Variants in FNDC1 observed in about 807,000 individuals in gnomAD.
FNDC1 encodes fibronectin type III domain-containing protein 1.
FNDC1 carries 96 observed loss-of-function variants against 168.0 expected under a neutral mutation model. The observed-to-expected ratio is 0.57, with a 90% CI of 0.48 to 0.68. The LOEUF is 0.68. FNDC1 is among the 30% of genes least tolerant of loss of function. FNDC1 has a pLI of 0.00. For missense variants in FNDC1, 2,587 were observed against 2,482.1 expected (o/e 1.04, Z -0.90); for synonymous variants, 1,099 against 1,025.9 (o/e 1.07, Z -1.36).
In FNDC1 at chr6:159,237,131, T is replaced by G. The variant is rs561352461; in HGVS notation, c.4068+816T>G. Among the ~76,000 whole-genome samples the G allele has an allele frequency of 2.6e-5, 4 of 152,344 alleles. No homozygotes were observed. The East Asian group carries it at 7.7e-4, about 29-fold the overall frequency. The stretch of plus-strand genomic sequence containing the variant: ...TTCTTAAAGGAAGAGAAATTTATAG[T>G]AGGAAGAATGCACATTAAAGCAAAA... On this transcript the variant is annotated intron_variant, in intron 12 of 22. Coordinates refer to ENST00000297267, the MANE Select transcript of FNDC1 (RefSeq NM_032532.3).
intron 1 of FNDC1, among the ~76,000 whole-genome samples, chr6:159,174,502 G>A (rs538834256): frequency 6.6e-6 from 1 of 152,394 alleles, no homozygotes; most frequent in African/African-American, 2.4e-5. Flanking sequence ...CTTCCGTGCA[G>A]CCCTAGTTGG....
At chr6:159,238,152 C>G (rs1783309090) in intron 12 of FNDC1, among the ~76,000 whole-genome samples, 1 of 148,654 alleles carries the variant, frequency 6.7e-6, no homozygotes, top group Non-Finnish European at 1.5e-5. Flanking sequence ...GGCTGGAGTG[C>G]AGTGGCGCGA....
intron 15 of FNDC1, among the ~76,000 whole-genome samples, chr6:159,247,698 C>CA (rs60435767): frequency 0.086 from 13,055 of 152,170 alleles, 1,042 homozygotes; most frequent in East Asian, 0.33. Flanking sequence ...ATGATGGCAC[C>CA]ACTGCACTCC....
At chr6:159,229,262 T>C (rs1474417054) in intron 9 of FNDC1, among the ~76,000 whole-genome samples, 1 of 152,232 alleles carries the variant, frequency 6.6e-6, no homozygotes, top group Non-Finnish European at 1.5e-5. Context: ...TCTAAAATAC[T>C]GTGAAATATC....
chr6:159,173,341 C>T (rs1182500727), intron 1 of FNDC1, among the ~76,000 whole-genome samples: 3 of 152,186 alleles, frequency 2.0e-5, no homozygotes, highest in Non-Finnish European at 2.9e-5. Context: ...TTTAGAAGCT[C>T]GCCTGTGGCT....
chr6:159,224,258 A>G (rs1321881131), intron 7 of FNDC1, among the ~76,000 whole-genome samples: 1 of 152,258 alleles, frequency 6.6e-6, no homozygotes, highest in Non-Finnish European at 1.5e-5. Context: ...ACCAATCATA[A>G]GGTTAAAATA....
chr6:159,239,340 A>T (rs539517901), intron 13 of FNDC1, among the ~76,000 whole-genome samples, 177 bp from the exon 14 acceptor site: 1 of 152,352 alleles, frequency 6.6e-6, no homozygotes, highest in Admixed American at 6.5e-5. Context: ...CCTTTGCTAG[A>T]CACAAGAGTT....
intron 1 of FNDC1, among the ~76,000 whole-genome samples, chr6:159,187,611 A>G (rs981254480): frequency 3.3e-5 from 5 of 152,144 alleles, no homozygotes; most frequent in Admixed American, 2.6e-4. Context: ...GGAAAATTCA[A>G]TCCACCATCT....
intron 5 of FNDC1, among the ~76,000 whole-genome samples, chr6:159,215,458 G>C (rs1377470053): frequency 6.6e-6 from 1 of 152,162 alleles, no homozygotes; most frequent in Non-Finnish European, 1.5e-5. Flanking sequence ...TGTCATCTTG[G>C]CTGTTTTTGT....
chr6:159,249,674 A>G (rs117555105), intron 16 of FNDC1, among the ~76,000 whole-genome samples: 1,936 of 152,356 alleles, frequency 0.013, 20 homozygotes, highest in Middle Eastern at 0.024. Context: ...TTTGGGATCT[A>G]GAAATTCATT....
chr6:159,212,708 T>C (rs1782632352), intron 4 of FNDC1, among the ~76,000 whole-genome samples: 1 of 152,222 alleles, frequency 6.6e-6, no homozygotes, highest in Non-Finnish European at 1.5e-5. Flanking sequence ...GTCCGTTTGC[T>C]ACCTGCTGAG....
In FNDC1 at chr6:159,254,842, T is replaced by G. The variant is rs149460180; in HGVS notation, c.5066-1681T>G. Among the ~76,000 whole-genome samples the G allele has an allele frequency of 1.8e-3, 267 of 152,274 alleles. 5 individuals carry two copies. The highest frequency in any genetic ancestry group is 0.014 in the East Asian group (74 of 5,186). ...ACACATTTGCTCAAGCCTGAAGCCT[T>G]AGAAGCATCTTCAAGTCTCCTTCTA... On this transcript the variant is annotated intron_variant, in intron 17 of 22. Transcript: ENST00000297267.
Position 159,197,635 on chromosome 6 carries a change from A to G in FNDC1, c.304+10A>G. ...CTTATTGAGGATGTGGGTAAGTGACACTCTGATCTTGTTCCCAGTCAGAAT... is the reference window on the plus strand; with the variant it reads ...CTTATTGAGGATGTGGGTAAGTGACGCTCTGATCTTGTTCCCAGTCAGAAT... On this transcript the variant is annotated intron_variant, in intron 2 of 22. Coordinates refer to ENST00000297267, the MANE Select transcript of FNDC1 (RefSeq NM_032532.3). The G allele has an allele frequency of 1.2e-6, 2 of 1,601,458 alleles. No homozygotes were observed. The highest frequency in any genetic ancestry group is 1.7e-6 in the Non-Finnish European group (2 of 1,172,786).
chr6:159,218,005 G>A (rs914935053), intron 5 of FNDC1, among the ~76,000 whole-genome samples: 3 of 152,154 alleles, frequency 2.0e-5, no homozygotes, highest in East Asian at 1.9e-4. Flanking sequence ...TTGGTGATGC[G>A]GGCCAAATTC....
At chr6:159,219,336 C>T (rs1182391960) in intron 5 of FNDC1, among the ~76,000 whole-genome samples, 1 of 152,228 alleles carries the variant, frequency 6.6e-6, no homozygotes, top group Non-Finnish European at 1.5e-5. Context: ...GCCACCTCAC[C>T]CGGCCATTTC....
At chr6:159,186,672 C>T (rs1215113004) in intron 1 of FNDC1, among the ~76,000 whole-genome samples, 1 of 152,230 alleles carries the variant, frequency 6.6e-6, no homozygotes, top group Non-Finnish European at 1.5e-5. Flanking sequence ...GTGAGGATCA[C>T]TCTGACATGC....
rs906440708 is a variant in FNDC1, at chr6:159,199,164, C to T, written c.305-832C>T. ...GTCTCTTCAAGAAATTGGTACCCCA[C>T]TTACCTGTCACAAGACAGTGATTCA... is the stretch of plus-strand genomic sequence containing the variant. On this transcript the variant is annotated intron_variant, in intron 2 of 22. Transcript: ENST00000297267. Among the ~76,000 whole-genome samples the T allele has an allele frequency of 2.6e-5, 4 of 152,388 alleles. No individual in the cohort carries two copies. In the South Asian group the frequency reaches 8.3e-4, roughly 32 times the overall value.
intron 1 of FNDC1, among the ~76,000 whole-genome samples, chr6:159,170,957 AT>A (rs1781643945): frequency 6.6e-6 from 1 of 152,066 alleles, no homozygotes; most frequent in African/African-American, 2.4e-5. Context: ...CTAAGTGAAA[AT>A]TTTCAGAGTG....
At position 159,176,590 on chromosome 6, in the gene FNDC1, A is replaced by G. The variant is rs560152599; in HGVS notation, c.109+6885A>G. 1.7e-3 allele frequency among the ~76,000 whole-genome samples: 253 copies of G among 152,312 alleles called. 1 individual carries two copies. Among genetic ancestry groups the G allele is most frequent in the African/African-American group, 5.6e-3 (233 of 41,554 alleles). Reference sequence around the variant, plus strand: ...GTGAAGTCATGTGCAAGGAACCAGGAATATTCGAGGTGGTTCGTGCTAAGT... The same window carrying G: ...GTGAAGTCATGTGCAAGGAACCAGGGATATTCGAGGTGGTTCGTGCTAAGT... On this transcript the variant is annotated intron_variant, in intron 1 of 22. Coordinates refer to ENST00000297267, the MANE Select transcript of FNDC1 (RefSeq NM_032532.3).
Sources: allele counts gnomAD v4.1 joint callset (sites outside exome capture counted in the v4.1 genomes callset), GRCh38; gene constraint gnomAD v4.1.1; transcripts MANE v1.5; gene names NCBI Gene and HGNC (gene_info 2026-07-23, HGNC 2026-07-21).